Variants in COG7 observed in about 807,000 individuals in gnomAD.
COG7 encodes component of oligomeric golgi complex 7, also known as conserved oligomeric Golgi complex subunit 7.
COG7 carries 49 observed loss-of-function variants against 91.5 expected under a neutral mutation model. That is an observed-to-expected ratio of 0.54 (90% confidence interval 0.43 to 0.68). The LOEUF is 0.68. Among genes scored for constraint, COG7 ranks in the 30% least tolerant of loss-of-function variants. The pLI, the probability that COG7 is intolerant of heterozygous loss-of-function variation, is 0.00. For synonymous variants in COG7, 365 were observed against 388.7 expected (o/e 0.94, Z 0.72); for missense variants, 895 against 961.3 (o/e 0.93, Z 0.91).
intron 4 of COG7, among the ~76,000 whole-genome samples, chr16:23,436,538 A>C (rs1964015954): frequency 6.6e-6 from 1 of 152,114 alleles, no homozygotes; most frequent in South Asian, 2.1e-4. Context: ...GCTCGAGACC[A>C]GCCTGGCCAA....
chr16:23,413,523 T>C lies in COG7; in HGVS notation c.1334A>G (p.Lys445Arg). 1.2e-6 allele frequency: 2 copies of C among 1,612,710 alleles called. No homozygotes were observed. Among genetic ancestry groups the C allele is most frequent in the East Asian group, 2.2e-5 (1 of 44,880 alleles). ...DFTSTLQSIRKKCKLDHIPPN... is the reference protein window; with the variant it reads ...DFTSTLQSIRRKCKLDHIPPN... ...AGGAATGTGGTCCAGTTTGCACTTC[T>C]TTCGTATGGACTGGAGAGTGCTGGT... The change falls in exon 10 of 17, where the codon AAG (lysine) becomes AGG (arginine). Residue 445 changes from lysine to arginine, a missense_variant. By Grantham distance (26) the Lys-to-Arg change is conservative. Transcript: ENST00000307149.
intron 13 of COG7, among the ~76,000 whole-genome samples, chr16:23,398,809 CT>C (rs1212907643): frequency 6.6e-6 from 1 of 152,244 alleles, no homozygotes; most frequent in African/African-American, 2.4e-5. Context: ...TGTAGTCCCC[CT>C]GTGCGAGGAG....
intron 12 of COG7, 61 bp from the exon 13 acceptor site, chr16:23,403,895 A>T (rs959989139): frequency 3.3e-5 from 53 of 1,605,684 alleles, no homozygotes; most frequent in Non-Finnish European, 4.5e-5. Context: ...AGTATTAGCT[A>T]GTTAACCATT....
At chr16:23,423,038 C>T (rs1462598786) in intron 7 of COG7, among the ~76,000 whole-genome samples, 1 of 117,478 alleles carries the variant, frequency 8.5e-6, no homozygotes, top group African/African-American at 3.3e-5. Flanking sequence ...AAGCAAGTCT[C>T]TGTCTCAAAA....
At chr16:23,401,212 CA>C (rs1391083249) in intron 13 of COG7, among the ~76,000 whole-genome samples, 1 of 152,168 alleles carries the variant, frequency 6.6e-6, no homozygotes, top group African/African-American at 2.4e-5. Context: ...ATGCTGAAAA[CA>C]AACATTTGAT....
chr16:23,451,725 C>CA (rs34572078), intron 1 of COG7, among the ~76,000 whole-genome samples: 1,531 of 77,560 alleles, frequency 0.02, 24 homozygotes, highest in African/African-American at 0.046. Context: ...GACCCTGTCT[C>CA]AAAAAAAAAA....
Position 23,388,721 on chromosome 16 carries a change from C to T in COG7, c.*199G>A, listed in dbSNP as rs1412163664. On this transcript the variant is annotated 3_prime_UTR_variant, in exon 17 of 17. Transcript: ENST00000307149. The stretch of plus-strand genomic sequence containing the variant: ...TTCACCATGTTGGTCAGGCTGGTCT[C>T]GAACTCCTGGCTTCATGATCCATCT... The T allele has an allele frequency of 3.7e-5, 30 of 821,418 alleles. No individual in the cohort carries two copies. The highest frequency in any genetic ancestry group is 4.2e-4 in the Middle Eastern group (1 of 2,362). The allele number at this position is 821,418 out of a possible 1,614,324, so 50.9% of individuals were successfully genotyped here.
chr16:23,422,718 A>G (rs1013934658), intron 7 of COG7, among the ~76,000 whole-genome samples: 1 of 151,558 alleles, frequency 6.6e-6, no homozygotes, highest in Admixed American at 6.6e-5. Context: ...AAGAAAAACT[A>G]AAACTCTTTT....
At chr16:23,434,253 TCCAGGCTGGGCAAA>T (rs1963979212) in intron 5 of COG7, among the ~76,000 whole-genome samples, 2 of 152,026 alleles carry the variant, frequency 1.3e-5, no homozygotes, top group Admixed American at 1.3e-4. Flanking sequence ...GTCACCGCAC[TCCAGGCTGGGCAAA>T]ATAGTGAAAC....
intron 6 of COG7, among the ~76,000 whole-genome samples, chr16:23,429,892 C>T (rs1009649169): frequency 6.6e-6 from 1 of 152,150 alleles, no homozygotes; most frequent in Admixed American, 6.6e-5. Flanking sequence ...AAGAAGCCTA[C>T]AAAAGATGAA....
chr16:23,418,973 T>G, intron 7 of COG7, 146 bp from the exon 8 acceptor site: 1 of 732,644 alleles, frequency 1.4e-6, no homozygotes, highest in Admixed American at 2.1e-5. Flanking sequence ...CTTTTATCAT[T>G]CATGGAAGCT....
chr16:23,401,175 T>C (rs1437133481), intron 13 of COG7, among the ~76,000 whole-genome samples: 4 of 152,220 alleles, frequency 2.6e-5, no homozygotes, highest in Non-Finnish European at 5.9e-5. Flanking sequence ...TCTCGGAATA[T>C]AAAAGGGCAA....
intron 15 of COG7, 149 bp downstream of exon 15, chr16:23,393,084 C>T (rs1443693600): frequency 2.9e-6 from 2 of 693,114 alleles, no homozygotes; most frequent in African/African-American, 3.5e-5. Context: ...GTTTTAGATA[C>T]AGCATGTGTA....
chr16:23,439,150 T>C (rs909714210), intron 4 of COG7, among the ~76,000 whole-genome samples: 1 of 126,714 alleles, frequency 7.9e-6, no homozygotes, highest in African/African-American at 3.2e-5. Flanking sequence ...AGAGTTAAAC[T>C]GTGTCTCCAA....
intron 3 of COG7, 117 bp from the exon 4 acceptor site, chr16:23,442,762 G>T (rs773017035): frequency 3.2e-6 from 3 of 929,990 alleles, no homozygotes; most frequent in African/African-American, 1.6e-5. Flanking sequence ...GCTGGGCATC[G>T]TGGTGGTTCA....
chr16:23,395,983 C>T (rs968669324), intron 14 of COG7, among the ~76,000 whole-genome samples: 9 of 152,218 alleles, frequency 5.9e-5, no homozygotes, highest in African/African-American at 1.4e-4. Context: ...AGAATTAATA[C>T]GTGTGCTATG....
chr16:23,433,096 T>C (rs1471535450), intron 6 of COG7, among the ~76,000 whole-genome samples: 2 of 152,128 alleles, frequency 1.3e-5, no homozygotes, highest in Admixed American at 1.3e-4. Context: ...CTGGTTATCG[T>C]TTTTTCTTTT....
chr16:23,435,831 A>T (rs1964005740), intron 4 of COG7, among the ~76,000 whole-genome samples: 1 of 152,246 alleles, frequency 6.6e-6, no homozygotes, highest in Non-Finnish European at 1.5e-5. Flanking sequence ...CTGCCAGTGG[A>T]ACTTGACTTA....
chr16:23,390,704 G>C (rs1329914557), intron 16 of COG7, among the ~76,000 whole-genome samples: 2 of 152,220 alleles, frequency 1.3e-5, no homozygotes, highest in African/African-American at 4.8e-5. Flanking sequence ...GCCTCCCAAA[G>C]TGCTGGGATT....
Sources: gnomAD v4.1 joint callset for allele counts (sites outside exome capture counted in the v4.1 genomes callset) on GRCh38, gnomAD v4.1.1 for gene constraint, MANE v1.5 for transcripts, NCBI Gene and HGNC (gene_info 2026-07-23, HGNC 2026-07-21) for gene names.